TLL1: variants seen among roughly 807,000 people sequenced by gnomAD.
The protein encoded by TLL1 is tolloid-like protein 1.
A neutral mutation model predicts 128.2 loss-of-function variants in TLL1; 49 were observed. That is an observed-to-expected ratio of 0.38 (90% CI 0.30 to 0.48). TLL1 has a LOEUF of 0.48. TLL1 is among the 20% of genes least tolerant of loss of function. The pLI, the probability that TLL1 is intolerant of heterozygous loss-of-function variation, is 0.96. For synonymous variants in TLL1, 454 were observed against 418.8 expected (o/e 1.08, Z -1.03); for missense variants, 1,123 against 1,242.0 (o/e 0.90, Z 1.44).
chr4:165,994,267 G>A, intron 3 of TLL1, 114 bp from the exon 4 acceptor site: 1 of 1,256,650 alleles, frequency 8.0e-7, no homozygotes, highest in Non-Finnish European at 1.1e-6. Context: ...TTTGACTTCT[G>A]GCATTTATAC....
chr4:165,969,402 C>T (rs1735533685), intron 1 of TLL1, among the ~76,000 whole-genome samples: 1 of 152,064 alleles, frequency 6.6e-6, no homozygotes, highest in Admixed American at 6.6e-5. Context: ...AACTCTAAGC[C>T]ATTAAGCATC....
At chr4:166,041,341 G>T (rs773334928) in intron 10 of TLL1, among the ~76,000 whole-genome samples, 1 of 142,136 alleles carries the variant, frequency 7.0e-6, no homozygotes, top group African/African-American at 2.6e-5. Context: ...TTGCTCTGTC[G>T]CCAGGCTGGA....
At chr4:166,031,719 T>C (rs987402391) in intron 9 of TLL1, among the ~76,000 whole-genome samples, 19 of 152,264 alleles carry the variant, frequency 1.2e-4, no homozygotes, top group Admixed American at 2.6e-4. Context: ...TTATAAAATA[T>C]GTTAATTTGA....
At chr4:165,898,997 T>C (rs553477552) in intron 1 of TLL1, among the ~76,000 whole-genome samples, 1 of 152,340 alleles carries the variant, frequency 6.6e-6, no homozygotes, top group African/African-American at 2.4e-5. Flanking sequence ...TTCTTCTAGA[T>C]TTTATAGTTT....
rs1417825786 is a variant in TLL1, at chr4:165,892,705, G to A, written c.169+18632G>A. 3.3e-5 allele frequency among the ~76,000 whole-genome samples: 5 copies of A among 152,274 alleles called. No individual in the cohort carries two copies. In the South Asian group the frequency reaches 8.3e-4, roughly 25 times the overall value. On this transcript the variant is annotated intron_variant, in intron 1 of 20. Transcript: ENST00000061240. ...TGCTAAGAACATATTCACTAGGAAG[G>A]CAGGAAAGCAACCCTGAGAATTATT...
Position 165,992,858 on chromosome 4 carries a change from T to A in TLL1, c.335T>A (p.Ile112Lys), listed in dbSNP as rs76013943. The change falls in exon 3 of 21, where the codon ATA becomes AAA. Residue 112 changes from isoleucine to lysine, a missense_variant. This residue lies in a region of TLL1 where 480 missense variants were observed against 542.4 expected (regional missense o/e 0.89). Coordinates refer to ENST00000061240, the MANE Select transcript of TLL1 (RefSeq NM_012464.5). ...SKKRGALYQLIDRIRRIGFGL... is the reference protein window; with the variant it reads ...SKKRGALYQLKDRIRRIGFGL... ...AAGCGAGGGGCCCTCTACCAACTTA[T>A]AGACAGGATAAGAAGAATTGGCTTT... 2.5e-6 allele frequency: 4 copies of A among 1,613,336 alleles called. No individual in the cohort carries two copies. The Admixed American group carries it at 6.7e-5, about 27-fold the overall frequency.
chr4:166,031,480 G>C (rs568584340), intron 9 of TLL1, among the ~76,000 whole-genome samples: 1 of 146,412 alleles, frequency 6.8e-6, no homozygotes, highest in East Asian at 2.0e-4. Context: ...CAATTCTTGT[G>C]CCTCAGCCTC....
chr4:165,979,837 A>C (rs1736068454), intron 1 of TLL1, among the ~76,000 whole-genome samples: 1 of 152,120 alleles, frequency 6.6e-6, no homozygotes, highest in Non-Finnish European at 1.5e-5. Flanking sequence ...CAAATTTTGC[A>C]AGCTGTTCAG....
chr4:166,017,998 TGTGA>T (rs199661831), intron 8 of TLL1, among the ~76,000 whole-genome samples: 1,795 of 152,256 alleles, frequency 0.012, 43 homozygotes, highest in African/African-American at 0.039. Context: ...TAACTGTACA[TGTGA>T]GTCTTAATAG....
At chr4:166,089,701 G>T (rs1741674272) in intron 18 of TLL1, among the ~76,000 whole-genome samples, 1 of 152,098 alleles carries the variant, frequency 6.6e-6, no homozygotes, top group South Asian at 2.1e-4. Context: ...TTGATCAAAT[G>T]AAGTAAGCCT....
At chr4:165,949,096 C>G (rs1395983802) in intron 1 of TLL1, among the ~76,000 whole-genome samples, 3 of 151,912 alleles carry the variant, frequency 2.0e-5, no homozygotes, top group Non-Finnish European at 4.4e-5. Flanking sequence ...AAAAGCAAGG[C>G]AAAGAATTAG....
chr4:165,962,863 C>T (rs2110962755), intron 1 of TLL1, among the ~76,000 whole-genome samples: 1 of 151,874 alleles, frequency 6.6e-6, no homozygotes, highest in East Asian at 2.0e-4. Flanking sequence ...TGAGACCAGC[C>T]TGGCCAACAT....
At chr4:166,073,864 A>G in intron 16 of TLL1, among the ~76,000 whole-genome samples, 1 of 152,072 alleles carries the variant, frequency 6.6e-6, no homozygotes, top group South Asian at 2.1e-4. Context: ...TAGCAAAATC[A>G]GCTGAGAGTA....
intron 19 of TLL1, among the ~76,000 whole-genome samples, chr4:166,096,210 G>GGTGTGTGTGTGTGTGT (rs60978680): frequency 1.4e-5 from 2 of 145,480 alleles, no homozygotes; most frequent in Non-Finnish European, 3.0e-5. Context: ...TTCTGTCATG[G>GGTGTGTGTGTGTGTGT]GTGTGTGTGT....
In TLL1 at chr4:166,038,845, A is replaced by G. The variant is rs561800401; in HGVS notation, c.1159-494A>G. ...CTGTATTTAAAACATTTCAACATGC[A>G]CAATGATATTATATGTTCTGGGAAA... On this transcript the variant is annotated intron_variant, in intron 9 of 20. Coordinates refer to ENST00000061240, the MANE Select transcript of TLL1 (RefSeq NM_012464.5). Among the ~76,000 whole-genome samples, 7 of 152,304 alleles carry G rather than the reference A, an allele frequency of 4.6e-5. No homozygotes were observed. In the East Asian group the frequency reaches 1.3e-3, roughly 29 times the overall value.
intron 18 of TLL1, among the ~76,000 whole-genome samples, chr4:166,078,850 A>G (rs565466275): frequency 6.0e-4 from 92 of 152,280 alleles, no homozygotes; most frequent in African/African-American, 2.1e-3. Flanking sequence ...GAGGAGTGAG[A>G]CTACCAGTCC....
intron 1 of TLL1, among the ~76,000 whole-genome samples, chr4:165,984,807 T>A (rs1458903363): frequency 6.6e-6 from 1 of 151,818 alleles, no homozygotes; most frequent in African/African-American, 2.4e-5. Context: ...GTCACTAAAA[T>A]CAAAAAGGCA....
chr4:165,921,446 A>G (rs1733038632), intron 1 of TLL1, among the ~76,000 whole-genome samples: 1 of 152,204 alleles, frequency 6.6e-6, no homozygotes, highest in African/African-American at 2.4e-5. Context: ...TGTTTTTATT[A>G]GTTCCCCGTC....
chr4:165,876,198 T>C (rs1283354222), intron 1 of TLL1, among the ~76,000 whole-genome samples: 3 of 152,228 alleles, frequency 2.0e-5, no homozygotes, highest in Non-Finnish European at 4.4e-5. Flanking sequence ...TACCCTGCTT[T>C]TGAATTTAGG....
Sources: allele counts gnomAD v4.1 joint callset (sites outside exome capture counted in the v4.1 genomes callset), GRCh38; gene constraint gnomAD v4.1.1; regional missense constraint gnomAD v4.1.1; transcripts MANE v1.5; gene names NCBI Gene and HGNC (gene_info 2026-07-23, HGNC 2026-07-21).